Variants in ZNF584 observed in about 807,000 individuals in gnomAD.
ZNF584 encodes zinc finger protein 584.
In ZNF584, 12 loss-of-function variants were observed where a neutral mutation model predicts 14.7. The observed-to-expected ratio is 0.82, with a 90% CI of 0.52 to 1.32. ZNF584 has a LOEUF of 1.32. Among genes scored for constraint, ZNF584 ranks in the 40% most tolerant of loss-of-function variants. ZNF584 has a pLI of 0.00. For missense variants in ZNF584, 478 were observed against 518.8 expected (o/e 0.92, Z 0.76); for synonymous variants, 204 against 190.9 (o/e 1.07, Z -0.57).
rs2052648753 is a variant in ZNF584, at chr19:58,416,850, A to G, written c.332A>G (p.Glu111Gly). Residue 111 changes from glutamate to glycine, a missense_variant, in exon 4 of 4, where the codon GAG becomes GGG. By Grantham distance (98) the Glu-to-Gly change is moderately conservative. Coordinates refer to ENST00000306910, the MANE Select transcript of ZNF584 (RefSeq NM_173548.3). ...CRVEDERAHP[E>G]HLKSYRVIQH... is the part of the protein sequence containing the mutation. ...GTGGAGGATGAGAGAGCCCATCCTG[A>G]GCATCTAAAGAGCTACAGAGTCATC... 1 of 1,577,884 alleles carries G rather than the reference A, an allele frequency of 6.3e-7. No homozygotes were observed. The highest frequency in any genetic ancestry group is 1.4e-5 in the African/African-American group (1 of 73,512).
chr19:58,407,453 CAG>C (rs1233453589), upstream of ZNF584, among the ~76,000 whole-genome samples: 1 of 152,210 alleles, frequency 6.6e-6, no homozygotes, highest in East Asian at 1.9e-4. Flanking sequence ...TGTGAAGATT[CAG>C]AGACTTCTGA....
upstream of ZNF584, chr19:58,407,071 C>T (rs551947581): frequency 6.5e-6 from 1 of 152,738 alleles, no homozygotes; most frequent in African/African-American, 2.4e-5. Context: ...GCACCAAGAC[C>T]TGCGAGGGCA....
chr19:58,402,059 A>C (rs2052435183), intron 1 of ZNF584, among the ~76,000 whole-genome samples: 1 of 151,978 alleles, frequency 6.6e-6, no homozygotes, highest in South Asian at 2.1e-4. Flanking sequence ...ACAGAGCGAG[A>C]GACTCCGTTT....
intron 2 of ZNF584, among the ~76,000 whole-genome samples, chr19:58,412,532 C>T (rs1405812377): frequency 5.3e-5 from 8 of 152,184 alleles, no homozygotes; most frequent in Admixed American, 2.6e-4. Flanking sequence ...CTTGAACTCC[C>T]GACCTCAGGT....
In ZNF584 at chr19:58,409,015, G is replaced by A. The variant is rs1159361362; in HGVS notation, c.-133G>A. The stretch of plus-strand genomic sequence containing the variant: ...CAGCGGCTCCGGGAAGCGGTTCCCT[G>A]TCTTCGGACGCATTTCACCCGCGCG... On this transcript the variant is annotated 5_prime_UTR_variant, in exon 1 of 4. Transcript: ENST00000306910. The A allele has an allele frequency of 8.3e-7, 1 of 1,200,372 alleles. No homozygotes were observed. The highest frequency in any genetic ancestry group is 1.7e-5 in the South Asian group (1 of 58,334). 74.4% of individuals were successfully genotyped at this position (1,200,372 alleles called of 1,614,324 possible). A position where few individuals can be genotyped will look rare whatever the true frequency, so the allele number is the denominator to read the frequency against.
In ZNF584 at chr19:58,417,591, T is replaced by C; in HGVS notation, c.1073T>C (p.Leu358Pro). ...GGGGAACGGCCCTATGAATGTAGCC[T>C]GTGTGGGAAAACCTTCACTACCAGA... ...HTGERPYECS[L>P]CGKTFTTRSY... Residue 358 changes from leucine to proline, a missense_variant, in exon 4 of 4, where the codon CTG becomes CCG. This residue lies in a region of ZNF584 where 283 missense variants were observed against 317.3 expected (regional missense o/e 0.89). Transcript: ENST00000306910. 1.2e-6 allele frequency: 2 copies of C among 1,614,156 alleles called. No individual in the cohort carries two copies. Among genetic ancestry groups the C allele is most frequent in the Non-Finnish European group, 1.7e-6 (2 of 1,180,028 alleles).
At chr19:58,415,953 C>T in intron 3 of ZNF584, 1 of 1,594,990 alleles carries the variant, frequency 6.3e-7, no homozygotes, top group Non-Finnish European at 8.5e-7. Flanking sequence ...ATTTGAACTT[C>T]AGCCAATCCT....
At chr19:58,410,309 C>G (rs551853896) in intron 2 of ZNF584, among the ~76,000 whole-genome samples, 307 of 151,220 alleles carry the variant, frequency 2.0e-3, no homozygotes, top group Middle Eastern at 0.014. Flanking sequence ...CACCTCTTGC[C>G]CCAGGAGCTA....
At chr19:58,414,849 A>G (rs576472689) in intron 2 of ZNF584, among the ~76,000 whole-genome samples, 10 of 151,546 alleles carry the variant, frequency 6.6e-5, no homozygotes, top group Admixed American at 3.3e-4. Context: ...TTCTTCAGTT[A>G]TGTCAGTTTT....
chr19:58,414,016 C>A (rs1015806512), intron 2 of ZNF584, among the ~76,000 whole-genome samples: 1 of 151,432 alleles, frequency 6.6e-6, no homozygotes, highest in Non-Finnish European at 1.5e-5. Context: ...AGAGACGGGG[C>A]TTCACTGTGT....
At chr19:58,410,559 GTGTA>G (rs1204607386) in intron 2 of ZNF584, among the ~76,000 whole-genome samples, 411 of 18,946 alleles carry the variant, frequency 0.022, 75 homozygotes, top group African/African-American at 0.14. Context: ...ATATATATAT[GTGTA>G]TATATATATG....
intron 3 of ZNF584, 173 bp downstream of exon 3, chr19:58,415,819 G>A: frequency 6.2e-7 from 1 of 1,603,692 alleles, no homozygotes; most frequent in Non-Finnish European, 8.5e-7. Context: ...TGATTTTCAG[G>A]CCCCGCATGT....
chr19:58,410,362 C>T lies in ZNF584; in HGVS notation c.169+271C>T, dbSNP rs185658169. ...GGTCAGATGTTTCATAGTTTGCCCACCAAATCCCACCAAGCTCTGCCTTTT... is the reference window on the plus strand; with the variant it reads ...GGTCAGATGTTTCATAGTTTGCCCATCAAATCCCACCAAGCTCTGCCTTTT... On this transcript the variant is annotated intron_variant, in intron 2 of 3. Transcript: ENST00000306910. 2.2e-3 allele frequency among the ~76,000 whole-genome samples: 328 copies of T among 151,108 alleles called. 2 individuals are homozygous for T. The highest frequency in any genetic ancestry group is 7.7e-3 in the African/African-American group (316 of 41,068).
chr19:58,407,715 G>A (rs900043200), upstream of ZNF584, among the ~76,000 whole-genome samples: 8 of 152,220 alleles, frequency 5.3e-5, no homozygotes, highest in Non-Finnish European at 8.8e-5. Context: ...TCTGGACCTT[G>A]CCTAAGAACT....
chr19:58,414,112 C>T (rs184407953), intron 2 of ZNF584, among the ~76,000 whole-genome samples: 106 of 152,224 alleles, frequency 7.0e-4, no homozygotes, highest in Admixed American at 6.9e-3. Flanking sequence ...AGCCACCACA[C>T]CCAGCCCTGT....
At chr19:58,412,460 C>G (rs968488477) in intron 2 of ZNF584, among the ~76,000 whole-genome samples, 1 of 151,968 alleles carries the variant, frequency 6.6e-6, no homozygotes, top group Non-Finnish European at 1.5e-5. Flanking sequence ...CCACTCGCCT[C>G]GGCCTCCCAA....
At position 58,415,547 on chromosome 19, in the gene ZNF584, G is replaced by A; in HGVS notation, c.193G>A (p.Val65Met). 3.7e-6 allele frequency: 6 copies of A among 1,613,772 alleles called. No homozygotes were observed. The highest frequency in any genetic ancestry group is 5.1e-6 in the Non-Finnish European group (6 of 1,179,730). Residue 65 changes from valine to methionine, a missense_variant, in exon 3 of 4, where the codon GTG becomes ATG. Around this residue, in one of 3 missense-constraint regions of ZNF584, gnomAD observed 189 missense variants for 177.9 expected, o/e 1.06. Transcript: ENST00000306910. ...AGGACTTGCACCTTCGAGATCCCCT[G>A]TGTTTACCCAGCTGGAGGATGATGA... ...SLGLAPSRSP[V>M]FTQLEDDEQS...
At position 58,417,147 on chromosome 19, in the gene ZNF584, G is replaced by A. The variant is rs759216610; in HGVS notation, c.629G>A (p.Gly210Glu). Residue 210 changes from glycine to glutamate, a missense_variant, in exon 4 of 4, where the codon GGA becomes GAA. By Grantham distance (98) the Gly-to-Glu change is moderately conservative. Transcript: ENST00000306910. The stretch of plus-strand genomic sequence containing the variant: ...ATTAACCCCCGAAAAATTCACACTG[G>A]AGAAACAGCCCATGTGTGTAATGAA... ...AHINPRKIHT[G>E]ETAHVCNECG... is the part of the protein sequence containing the mutation. 4.3e-6 allele frequency: 7 copies of A among 1,613,690 alleles called. No individual in the cohort carries two copies. Among genetic ancestry groups the A allele is most frequent in the Non-Finnish European group, 5.9e-6 (7 of 1,179,770 alleles).
At position 58,417,404 on chromosome 19, in the gene ZNF584, A is replaced by G; in HGVS notation, c.886A>G (p.Arg296Gly). 3 of 1,603,404 alleles carry G rather than the reference A, an allele frequency of 1.9e-6. No homozygotes were observed. Among genetic ancestry groups the G allele is most frequent in the Non-Finnish European group, 2.6e-6 (3 of 1,171,272 alleles). ...IRHRKVHIGE[R>G]PYECTECGKF... ...GCACCGGAAAGTGCACATTGGAGAA[A>G]GGCCCTATGAGTGTACAGAATGTGG... Residue 296 changes from arginine (R) to glycine (G), a missense_variant, in exon 4 of 4, where the codon AGG becomes GGG. Around this residue, in one of 3 missense-constraint regions of ZNF584, gnomAD observed 283 missense variants for 317.3 expected, o/e 0.89. Transcript: ENST00000306910.
Sources: gnomAD v4.1 joint callset for allele counts (sites outside exome capture counted in the v4.1 genomes callset) on GRCh38, gnomAD v4.1.1 for gene constraint, gnomAD v4.1.1 regional missense constraint, MANE v1.5 for transcripts, NCBI Gene and HGNC (gene_info 2026-07-23, HGNC 2026-07-21) for gene names.